The following NAALADL2 variants were observed in gnomAD, a reference collection of about 807,000 sequenced individuals.
NAALADL2 encodes the protein inactive N-acetylated-alpha-linked acidic dipeptidase-like protein 2.
A neutral mutation model predicts 87.2 loss-of-function variants in NAALADL2; 76 were observed. The observed-to-expected ratio is 0.87, with a 90% confidence interval of 0.72 to 1.05. The LOEUF (loss-of-function observed/expected upper bound fraction) is 1.05, where lower values mean the gene tolerates loss of function less well. Among genes scored for constraint, NAALADL2 ranks in the 50% least tolerant of loss-of-function variants. The pLI is 0.00. For synonymous variants in NAALADL2, 354 were observed against 331.0 expected (o/e 1.07, Z -0.75); for missense variants, 1,089 against 945.8 (o/e 1.15, Z -1.99).
intron 3 of NAALADL2, among the ~76,000 whole-genome samples, chr3:174,840,160 T>G (rs1389721573): frequency 6.6e-6 from 1 of 151,494 alleles, no homozygotes. Flanking sequence ...ATCTAATATA[T>G]ATATCTATAT....
chr3:174,840,067 C>G (rs1017742841), intron 3 of NAALADL2, among the ~76,000 whole-genome samples: 17 of 151,766 alleles, frequency 1.1e-4, no homozygotes, highest in African/African-American at 3.9e-4. Context: ...TATATAGCAG[C>G]ACAATTCGTA....
At chr3:174,510,824 T>G (rs1483967878) in intron 1 of NAALADL2, among the ~76,000 whole-genome samples, 1 of 151,872 alleles carries the variant, frequency 6.6e-6, no homozygotes, top group African/African-American at 2.4e-5. Context: ...TTTCTTTTTC[T>G]AACATGAGCA....
At chr3:175,667,422 T>C (rs1473428513) in intron 11 of NAALADL2, among the ~76,000 whole-genome samples, 1 of 152,126 alleles carries the variant, frequency 6.6e-6, no homozygotes, top group Non-Finnish European at 1.5e-5. Flanking sequence ...GATCTCCTTA[T>C]TTATTGAAAA....
At chr3:175,397,251 A>T (rs1205379352) in intron 5 of NAALADL2, 1 of 152,128 alleles carries the variant, frequency 6.6e-6, no homozygotes, top group African/African-American at 2.4e-5. Context: ...TTTTAAAAAA[A>T]TATGCTTCAC....
intron 2 of NAALADL2, among the ~76,000 whole-genome samples, chr3:174,709,809 A>G (rs1002476423): frequency 1.3e-5 from 2 of 152,188 alleles, no homozygotes; most frequent in East Asian, 1.9e-4. Flanking sequence ...AATATTCAGA[A>G]ATGTTAAGAT....
chr3:175,323,664 A>G (rs896912269), intron 4 of NAALADL2, among the ~76,000 whole-genome samples: 47 of 151,646 alleles, frequency 3.1e-4, no homozygotes, highest in African/African-American at 1.1e-3. Flanking sequence ...CCGGAGGAAA[A>G]AAAAAAAGGC....
chr3:174,607,681 C>A (rs1435882129), intron 2 of NAALADL2, among the ~76,000 whole-genome samples: 1 of 152,106 alleles, frequency 6.6e-6, no homozygotes, highest in Non-Finnish European at 1.5e-5. Context: ...CCTGAGTGAC[C>A]TACAAAGACA....
At position 175,677,403 on chromosome 3, in the gene NAALADL2, AT is replaced by A. The variant is rs545152581; in HGVS notation, c.1896+50024del. On this transcript the variant is annotated intron_variant, in intron 11 of 13. Coordinates refer to ENST00000454872, the MANE Select transcript of NAALADL2 (RefSeq NM_207015.3). The stretch of plus-strand genomic sequence containing the variant: ...AAATAACATAAAGAACTGCTTGCCT[AT>A]TTTTTTATCATTATTATTATTAAAT... 1.6e-4 allele frequency among the ~76,000 whole-genome samples: 24 copies of A among 151,034 alleles called. 1 individual carries two copies. In the South Asian group the frequency reaches 3.6e-3, roughly 22 times the overall value.
intron 10 of NAALADL2, chr3:175,581,130 T>C: frequency 2.5e-6 from 1 of 394,974 alleles, no homozygotes; most frequent in South Asian, 1.9e-5. Flanking sequence ...ATCTTACAGT[T>C]TCAAAAATCT....
intron 2 of NAALADL2, among the ~76,000 whole-genome samples, chr3:174,639,516 A>C (rs566236178): frequency 3.5e-4 from 53 of 152,280 alleles, no homozygotes; most frequent in Middle Eastern, 3.4e-3. Flanking sequence ...CAAAAGCTAC[A>C]AATTAGGGCT....
chr3:174,522,762 G>A (rs569565559), intron 1 of NAALADL2, among the ~76,000 whole-genome samples: 193 of 151,632 alleles, frequency 1.3e-3, no homozygotes, highest in African/African-American at 4.5e-3. Context: ...GTGAAACCCC[G>A]TCTCTACTAA....
At chr3:175,053,379 T>A (rs1018841517) in intron 1 of NAALADL2, among the ~76,000 whole-genome samples, 3 of 152,212 alleles carry the variant, frequency 2.0e-5, no homozygotes, top group African/African-American at 7.2e-5. Flanking sequence ...TTCCGCCATC[T>A]GTGACAGCTT....
chr3:174,962,392 AT>A lies in NAALADL2; in HGVS notation c.43+102943del, dbSNP rs1339445885. Among the ~76,000 whole-genome samples the A allele has an allele frequency of 5.1e-5, 5 of 98,552 alleles. No homozygotes were observed. In the East Asian group the frequency reaches 1.1e-3, roughly 21 times the overall value. The allele number at this position is 98,552 out of a possible 152,430, so 64.7% of individuals were successfully genotyped here. A position where few individuals can be genotyped will look rare whatever the true frequency, so the allele number is the denominator to read the frequency against. On this transcript the variant is annotated intron_variant, in intron 1 of 13. Transcript: ENST00000454872. ...ATGACATATATATATATATATATAT[AT>A]ATGTCATAGTGACTATGACATATAT...
At chr3:174,769,650 A>G (rs928163382) in intron 3 of NAALADL2, among the ~76,000 whole-genome samples, 1 of 151,326 alleles carries the variant, frequency 6.6e-6, no homozygotes, top group African/African-American at 2.4e-5. Context: ...ACAATGAAAA[A>G]GGCACAGAAA....
intron 1 of NAALADL2, chr3:174,459,584 T>G (rs780026425): frequency 2.6e-5 from 4 of 152,196 alleles, no homozygotes; most frequent in Non-Finnish European, 4.4e-5. Context: ...TTAGCTCGAT[T>G]GTAGAATTGC....
At chr3:174,903,952 AATATCT>A (rs143384708) in intron 1 of NAALADL2, among the ~76,000 whole-genome samples, 20,513 of 150,344 alleles carry the variant, frequency 0.14, 1,899 homozygotes, top group African/African-American at 0.26. Context: ...GCCAGAAAGG[AATATCT>A]ATATCTATAT....
intron 4 of NAALADL2, among the ~76,000 whole-genome samples, chr3:175,281,745 T>C (rs1011083076): frequency 6.6e-6 from 1 of 151,994 alleles, no homozygotes; most frequent in Admixed American, 6.6e-5. Flanking sequence ...TCAATATTGT[T>C]TATACAAGTA....
chr3:174,841,026 C>T (rs1038238525), intron 3 of NAALADL2, among the ~76,000 whole-genome samples: 6 of 144,474 alleles, frequency 4.2e-5, no homozygotes, highest in African/African-American at 1.5e-4. Context: ...TGTTATGCCA[C>T]TTTGACTTTA....
chr3:174,776,561 T>C (rs1321591678), intron 3 of NAALADL2, among the ~76,000 whole-genome samples: 1 of 152,150 alleles, frequency 6.6e-6, no homozygotes, highest in Non-Finnish European at 1.5e-5. Context: ...GAAACTAATC[T>C]GTACTCCATT....
Sources: gnomAD v4.1 joint callset for allele counts (sites outside exome capture counted in the v4.1 genomes callset) on GRCh38, gnomAD v4.1.1 for gene constraint, MANE v1.5 for transcripts, NCBI Gene and HGNC (gene_info 2026-07-23, HGNC 2026-07-21) for gene names.